Variants in INPP4B observed in about 807,000 individuals in gnomAD.
The protein encoded by INPP4B is inositol polyphosphate 4-phosphatase type II.
A neutral mutation model predicts 122.5 loss-of-function variants in INPP4B; 55 were observed. That is an observed-to-expected ratio of 0.45 (90% CI 0.36 to 0.56). The LOEUF (loss-of-function observed/expected upper bound fraction) is 0.56. Ranked by LOEUF, INPP4B falls within the 20% of genes least tolerant of loss-of-function variation. The pLI is 0.00. For synonymous variants in INPP4B, 403 were observed against 388.7 expected (o/e 1.04, Z -0.43); for missense variants, 1,000 against 1,097.7 (o/e 0.91, Z 1.26).
intron 25 of INPP4B, among the ~76,000 whole-genome samples, chr4:142,061,570 A>G (rs1760649606): frequency 6.6e-6 from 1 of 152,068 alleles, no homozygotes; most frequent in African/African-American, 2.4e-5. Flanking sequence ...TTCTTTTCTC[A>G]ATTTGTCTTA....
intron 18 of INPP4B, among the ~76,000 whole-genome samples, chr4:142,140,791 G>A (rs911137310): frequency 2.0e-5 from 3 of 152,138 alleles, no homozygotes; most frequent in Non-Finnish European, 4.4e-5. Flanking sequence ...GAAGCCTGAA[G>A]GATAGGTCAA....
chr4:142,763,564 A>G (rs1771650255), intron 1 of INPP4B, among the ~76,000 whole-genome samples: 1 of 152,138 alleles, frequency 6.6e-6, no homozygotes, highest in African/African-American at 2.4e-5. Context: ...CTTGACAATT[A>G]CAACATAATA....
chr4:142,316,623 T>G (rs577123148), intron 7 of INPP4B, among the ~76,000 whole-genome samples: 2 of 152,274 alleles, frequency 1.3e-5, no homozygotes, highest in African/African-American at 4.8e-5. Flanking sequence ...AATAACATTT[T>G]CCAAAGATAT....
chr4:142,178,960 C>T (rs1715045309), intron 15 of INPP4B, among the ~76,000 whole-genome samples: 1 of 151,830 alleles, frequency 6.6e-6, no homozygotes, highest in South Asian at 2.1e-4. Flanking sequence ...CTTAAATATA[C>T]CCTTCTGGTC....
At chr4:142,368,768 AGT>A (rs1788553948) in intron 7 of INPP4B, among the ~76,000 whole-genome samples, 1 of 152,232 alleles carries the variant, frequency 6.6e-6, no homozygotes, top group South Asian at 2.1e-4. Context: ...TGGGCAGGTG[AGT>A]GTAAGAAGAC....
chr4:142,073,726 G>T (rs2152495356), intron 25 of INPP4B, among the ~76,000 whole-genome samples: 1 of 152,206 alleles, frequency 6.6e-6, no homozygotes, highest in Middle Eastern at 3.4e-3. Context: ...ATTAGGCAGT[G>T]AAATGAAAAT....
At chr4:142,842,644 A>T (rs1358463232) in intron 1 of INPP4B, among the ~76,000 whole-genome samples, 1 of 134,684 alleles carries the variant, frequency 7.4e-6, no homozygotes, top group Non-Finnish European at 1.5e-5. Context: ...TCCTAACATA[A>T]TATATTATGT....
intron 4 of INPP4B, among the ~76,000 whole-genome samples, chr4:142,430,757 C>G (rs1294874821): frequency 6.6e-6 from 1 of 151,974 alleles, no homozygotes; most frequent in Non-Finnish European, 1.5e-5. Context: ...TTAATGCTTT[C>G]AACTTAAGTA....
chr4:142,443,697 A>G (rs1233080383), intron 3 of INPP4B, among the ~76,000 whole-genome samples: 3 of 152,144 alleles, frequency 2.0e-5, no homozygotes, highest in Non-Finnish European at 4.4e-5. Context: ...AGCACAAATA[A>G]TGAACCTCTC....
At chr4:142,147,166 G>A (rs1277488130) in intron 17 of INPP4B, among the ~76,000 whole-genome samples, 1 of 152,056 alleles carries the variant, frequency 6.6e-6, no homozygotes, top group Admixed American at 6.6e-5. Context: ...CTATAATAGA[G>A]CTATCCCAGG....
At chr4:142,202,798 G>A (rs1239682079) in intron 14 of INPP4B, 1 of 984,942 alleles carries the variant, frequency 1.0e-6, no homozygotes, top group Non-Finnish European at 1.2e-6. Flanking sequence ...CAATGAGAGT[G>A]GGCGGGGCCG....
chr4:142,149,802 G>T (rs1579082565), intron 17 of INPP4B, among the ~76,000 whole-genome samples: 2 of 152,276 alleles, frequency 1.3e-5, no homozygotes, highest in East Asian at 3.9e-4. Context: ...ATTCACTTTG[G>T]CACAAAGGAC....
intron 7 of INPP4B, among the ~76,000 whole-genome samples, chr4:142,400,804 C>T (rs1801331482): frequency 6.6e-6 from 1 of 152,148 alleles, no homozygotes; most frequent in African/African-American, 2.4e-5. Flanking sequence ...TAATTAGTTT[C>T]CAGAACTAAA....
chr4:142,457,273 T>C (rs1444786678), intron 3 of INPP4B, among the ~76,000 whole-genome samples: 1 of 152,038 alleles, frequency 6.6e-6, no homozygotes, highest in Non-Finnish European at 1.5e-5. Flanking sequence ...AAGAAAACCA[T>C]TTGTAAAATT....
Position 142,260,674 on chromosome 4 carries a change from T to C in INPP4B, c.616-110A>G, listed in dbSNP as rs1739508820. 7.2e-6 allele frequency: 5 copies of C among 691,072 alleles called. No individual in the cohort carries two copies. The South Asian group carries it at 7.7e-5, about 11-fold the overall frequency. The allele number at this position is 691,072 out of a possible 1,614,324, so 42.8% of individuals were successfully genotyped here. On this transcript the variant is annotated intron_variant, in intron 10 of 25. Transcript: ENST00000262992. Reference sequence around the variant, plus strand: ...CTATGTACATGGTTTCAAAAAGTTTTGAATAAAATACTTTTTAAAAACTAT... The same window carrying C: ...CTATGTACATGGTTTCAAAAAGTTTCGAATAAAATACTTTTTAAAAACTAT...
At chr4:142,356,578 T>C (rs1216769457) in intron 7 of INPP4B, among the ~76,000 whole-genome samples, 1 of 151,874 alleles carries the variant, frequency 6.6e-6, no homozygotes. Context: ...AGTTGTGAAG[T>C]AGTACAAATA....
At chr4:142,801,344 C>A (rs1381306044) in intron 1 of INPP4B, among the ~76,000 whole-genome samples, 2 of 152,102 alleles carry the variant, frequency 1.3e-5, no homozygotes, top group African/African-American at 4.8e-5. Context: ...GGAGAGAGGG[C>A]CTTTAGAAAG....
chr4:142,392,731 C>T (rs1052408997), intron 7 of INPP4B, among the ~76,000 whole-genome samples: 3 of 152,194 alleles, frequency 2.0e-5, no homozygotes, highest in African/African-American at 7.2e-5. Flanking sequence ...TTTAAATTCT[C>T]CTGTCAAAGT....
At chr4:142,452,394 T>C (rs1374634290) in intron 3 of INPP4B, among the ~76,000 whole-genome samples, 1 of 152,208 alleles carries the variant, frequency 6.6e-6, no homozygotes, top group African/African-American at 2.4e-5. Flanking sequence ...TTTTGTTCTG[T>C]GTCATTCAGC....
Sources: allele counts gnomAD v4.1 joint callset (sites outside exome capture counted in the v4.1 genomes callset), GRCh38; gene constraint gnomAD v4.1.1; transcripts MANE v1.5; gene names NCBI Gene and HGNC (gene_info 2026-07-23, HGNC 2026-07-21).